EXOC1: variants seen among roughly 807,000 people sequenced by gnomAD.
EXOC1 encodes the protein SEC3-like 1.
Under a neutral mutation model 107.7 loss-of-function variants are expected in EXOC1, and 67 were observed. The ratio of observed to expected loss-of-function variants is 0.62; its 90% CI spans 0.51 to 0.76. EXOC1 has a LOEUF of 0.76. EXOC1 is among the 30% of genes least tolerant of loss of function. EXOC1 has a pLI of 0.00. For synonymous variants in EXOC1, 348 were observed against 353.5 expected (o/e 0.98, Z 0.17); for missense variants, 833 against 1,055.7 (o/e 0.79, Z 2.92).
chr4:55,898,660 A>G (rs1725530836), intron 16 of EXOC1, among the ~76,000 whole-genome samples: 1 of 152,166 alleles, frequency 6.6e-6, no homozygotes, highest in South Asian at 2.1e-4. Flanking sequence ...TCTCTTCTAT[A>G]TATGGGCATA....
chr4:55,876,381 G>A (rs1217531536), intron 8 of EXOC1: 7 of 858,180 alleles, frequency 8.2e-6, no homozygotes, highest in Admixed American at 6.2e-5. Flanking sequence ...TTTTAGAAAA[G>A]CAATACAGTA....
Position 55,883,810 on chromosome 4 carries a change from C to T in EXOC1, c.1225-13C>T, listed in dbSNP as rs935264025. On this transcript the variant is annotated splice_polypyrimidine_tract_variant and intron_variant, in intron 9 of 18. Transcript: ENST00000381295. Reference sequence around the variant, plus strand: ...TTTTATTAATAAGAAGTACATGTTACTTTTATTTTAAGAATTACATGGATT... The same window carrying T: ...TTTTATTAATAAGAAGTACATGTTATTTTTATTTTAAGAATTACATGGATT... The T allele has an allele frequency of 2.0e-6, 3 of 1,501,802 alleles. No individual in the cohort carries two copies. The highest frequency in any genetic ancestry group is 1.9e-4 in the Middle Eastern group (1 of 5,392). 93.0% of individuals were successfully genotyped at this position (1,501,802 alleles called of 1,614,324 possible).
chr4:55,903,889 T>A (rs1430945004), intron 18 of EXOC1, among the ~76,000 whole-genome samples: 1 of 152,134 alleles, frequency 6.6e-6, no homozygotes, highest in Non-Finnish European at 1.5e-5. Context: ...CAATTTTAGA[T>A]AAAGAAAACT....
chr4:55,865,594 A>G (rs937043207), intron 4 of EXOC1, among the ~76,000 whole-genome samples: 1 of 152,108 alleles, frequency 6.6e-6, no homozygotes, highest in Non-Finnish European at 1.5e-5. Context: ...TTAACATTTC[A>G]GGGTTGAACA....
In EXOC1 at chr4:55,904,923, G is replaced by A. The variant is rs11658; in HGVS notation, c.*428G>A. ...TTTTCACACTAACAAATGTGTATATGGAGAAGAGGGCTCATGTGATGATCA... is the reference window on the plus strand; with the variant it reads ...TTTTCACACTAACAAATGTGTATATAGAGAAGAGGGCTCATGTGATGATCA... On this transcript the variant is annotated 3_prime_UTR_variant, in exon 19 of 19. Coordinates refer to ENST00000381295, the MANE Select transcript of EXOC1 (RefSeq NM_001024924.2). 0.14 allele frequency: 21,217 copies of A among 153,202 alleles called. 1,847 individuals carry two copies. Among genetic ancestry groups the A allele is most frequent in the East Asian group, 0.48 (2,487 of 5,186 alleles). The allele number at this position is 153,202 out of a possible 1,614,324, so 9.5% of individuals were successfully genotyped here.
At chr4:55,886,650 C>A (rs1723917706) in intron 10 of EXOC1, among the ~76,000 whole-genome samples, 1 of 150,652 alleles carries the variant, frequency 6.6e-6, no homozygotes, top group Non-Finnish European at 1.5e-5. Flanking sequence ...AAATAGAAAT[C>A]TCATTTTAGA....
chr4:55,883,719 G>A, intron 9 of EXOC1, 104 bp from the exon 10 acceptor site: 1 of 637,618 alleles, frequency 1.6e-6, no homozygotes, highest in Non-Finnish European at 2.5e-6. Context: ...TCAAAGTTTT[G>A]GACTATGAAA....
intron 1 of EXOC1, among the ~76,000 whole-genome samples, chr4:55,856,025 T>G (rs1167403676): frequency 6.6e-6 from 1 of 152,204 alleles, no homozygotes; most frequent in Admixed American, 6.5e-5. Flanking sequence ...GGCTAACTGC[T>G]AGACCTGGAA....
At chr4:55,876,422 G>T in intron 8 of EXOC1, 1 of 704,970 alleles carries the variant, frequency 1.4e-6, no homozygotes, top group Non-Finnish European at 1.7e-6. Context: ...ATCACTCCAA[G>T]CACATGTTTT....
At chr4:55,866,593 G>A (rs894332138) in intron 4 of EXOC1, among the ~76,000 whole-genome samples, 23 of 152,048 alleles carry the variant, frequency 1.5e-4, no homozygotes, top group African/African-American at 5.1e-4. Context: ...TCTCCTCTAA[G>A]GGTTAGTTAG....
At chr4:55,893,399 C>T (rs145481957) in intron 14 of EXOC1, among the ~76,000 whole-genome samples, 153 bp from the exon 15 acceptor site, 31 of 152,300 alleles carry the variant, frequency 2.0e-4, no homozygotes, top group Admixed American at 5.2e-4. Flanking sequence ...GGATTACAGG[C>T]GTGAGCCACC....
chr4:55,883,913 GA>G lies in EXOC1; in HGVS notation c.1318del (p.Ser440AlafsTer28). 1 of 1,603,890 alleles carries G rather than the reference GA, an allele frequency of 6.2e-7. No individual in the cohort carries two copies. On this transcript the variant is annotated frameshift_variant, in exon 10 of 19. Transcript: ENST00000381295. LOFTEE classifies it high-confidence loss of function. ...GATCAAGATGACTGGCACAACTAAA[GA>G]AAGCAAGAAGTTTGGTAAGCTTAGG... ...AKIKMTGTTK[E>X]SKKFATLPRK...
chr4:55,876,150 C>CTTTATT, intron 8 of EXOC1: 1 of 985,246 alleles, frequency 1.0e-6, no homozygotes, highest in Non-Finnish European at 1.2e-6. Flanking sequence ...TTTTGTTCAT[C>CTTTATT]TTTATTGTTA....
rs541585459 is a variant in EXOC1 at position 55,876,179 on chromosome 4, T to C, written c.1075-1738T>C. 4.1e-5 allele frequency: 40 copies of C among 985,424 alleles called. No homozygotes were observed. In the African/African-American group the frequency reaches 6.4e-4, roughly 16 times the overall value. The allele number at this position is 985,424 out of a possible 1,614,324, so 61.0% of individuals were successfully genotyped here. On this transcript the variant is annotated intron_variant, in intron 8 of 18. Transcript: ENST00000381295. The stretch of plus-strand genomic sequence containing the variant: ...ATTGTTAGCCCTTACAGAAAAGATA[T>C]GGTAGCCCAGGCATTCTAAAAATAC...
At chr4:55,860,072 G>T (rs1347813176) in intron 2 of EXOC1, among the ~76,000 whole-genome samples, 1 of 152,082 alleles carries the variant, frequency 6.6e-6, no homozygotes, top group East Asian at 1.9e-4. Flanking sequence ...ATGTATTGTT[G>T]CTCTTTGAAA....
At chr4:55,885,231 A>G (rs1723758973) in intron 10 of EXOC1, among the ~76,000 whole-genome samples, 2 of 152,180 alleles carry the variant, frequency 1.3e-5, no homozygotes, top group African/African-American at 4.8e-5. Context: ...CTCCTTCAGT[A>G]TATGAAAACT....
At position 55,855,891 on chromosome 4, in the gene EXOC1, AAAG is replaced by A. The variant is rs144515098; in HGVS notation, c.-11+1939_-11+1941del. ...AGCATGGACACTCTATAATAAGCCA[AAAG>A]GAGGAGAGGTTGGGTGAAGGTGTGG... On this transcript the variant is annotated intron_variant, in intron 1 of 18. Transcript: ENST00000381295. Among the ~76,000 whole-genome samples the A allele has an allele frequency of 7.9e-5, 12 of 152,330 alleles. No individual in the cohort carries two copies. The East Asian group carries it at 2.3e-3, about 29-fold the overall frequency.
intron 8 of EXOC1, among the ~76,000 whole-genome samples, chr4:55,875,159 A>T (rs1273169436): frequency 1.3e-5 from 2 of 152,168 alleles, no homozygotes; most frequent in East Asian, 3.9e-4. Flanking sequence ...AAGTTTAGAA[A>T]TTTTTCTCTC....
rs775356758 is a variant in EXOC1, at chr4:55,892,616, G to A, written c.1648-19G>A. Reference sequence around the variant, plus strand: ...TTGTTGGTCTTTTATTATGTAAAGTGCCTGAATAATTTTTGCAGGCTGAAG... The same window carrying A: ...TTGTTGGTCTTTTATTATGTAAAGTACCTGAATAATTTTTGCAGGCTGAAG... On this transcript the variant is annotated intron_variant, in intron 13 of 18. Coordinates refer to ENST00000381295, the MANE Select transcript of EXOC1 (RefSeq NM_001024924.2). 4.3e-6 allele frequency: 7 copies of A among 1,612,128 alleles called. No homozygotes were observed. Among genetic ancestry groups the A allele is most frequent in the Non-Finnish European group, 5.9e-6 (7 of 1,178,312 alleles).
Sources: gnomAD v4.1 joint callset for allele counts (sites outside exome capture counted in the v4.1 genomes callset) on GRCh38, gnomAD v4.1.1 for gene constraint, MANE v1.5 for transcripts, NCBI Gene and HGNC (gene_info 2026-07-23, HGNC 2026-07-21) for gene names.